DAB1: variants seen among roughly 807,000 people sequenced by gnomAD.
DAB1 encodes the protein disabled homolog 1.
DAB1 carries 15 observed loss-of-function variants against 64.6 expected under a neutral mutation model. The observed-to-expected ratio is 0.23, with a 90% confidence interval of 0.16 to 0.36. DAB1 has a LOEUF of 0.36. Ranked by LOEUF, DAB1 falls within the 10% of genes least tolerant of loss-of-function variation. The pLI is 1.00. For missense variants in DAB1, 596 were observed against 706.7 expected (o/e 0.84, Z 1.78); for synonymous variants, 235 against 251.9 (o/e 0.93, Z 0.64).
intron 7 of DAB1, among the ~76,000 whole-genome samples, chr1:57,493,364 C>T (rs754546187): frequency 1.1e-4 from 16 of 152,042 alleles, no homozygotes; most frequent in Non-Finnish European, 7.3e-5. Context: ...TATTGGGCAA[C>T]TTGTATGAGT....
At chr1:58,175,939 T>C (rs1410652541) in intron 4 of DAB1, among the ~76,000 whole-genome samples, 1 of 152,198 alleles carries the variant, frequency 6.6e-6, no homozygotes, top group Non-Finnish European at 1.5e-5. Flanking sequence ...AAAGGAAGCA[T>C]TCACATAGAA....
At chr1:57,681,011 A>G (rs1646630591) in intron 6 of DAB1, among the ~76,000 whole-genome samples, 1 of 152,228 alleles carries the variant, frequency 6.6e-6, no homozygotes, top group Non-Finnish European at 1.5e-5. Context: ...GGCTAAGATA[A>G]GAAAGTTCCA....
intron 5 of DAB1, among the ~76,000 whole-genome samples, chr1:57,963,147 T>C (rs1419280695): frequency 6.6e-6 from 1 of 152,174 alleles, no homozygotes; most frequent in Admixed American, 6.5e-5. Context: ...GCTGGATATA[T>C]AATGGTAAGC....
At chr1:58,126,429 G>C (rs17438616) in intron 5 of DAB1, among the ~76,000 whole-genome samples, 2,171 of 150,820 alleles carry the variant, frequency 0.014, 22 homozygotes, top group Non-Finnish European at 0.023. Context: ...TCCTCATTCA[G>C]AAGGGGCCAA....
chr1:57,777,666 C>CAA (rs1649875851), intron 6 of DAB1, among the ~76,000 whole-genome samples: 2 of 151,752 alleles, frequency 1.3e-5, no homozygotes, highest in African/African-American at 4.8e-5. Flanking sequence ...TCTTAATGTT[C>CAA]AGTTTCCTTT....
chr1:58,151,245 C>T (rs1019785668), intron 4 of DAB1, among the ~76,000 whole-genome samples: 4 of 152,192 alleles, frequency 2.6e-5, no homozygotes, highest in African/African-American at 9.7e-5. Flanking sequence ...ATTTCTAGTT[C>T]TAGATCCTTG....
intron 6 of DAB1, among the ~76,000 whole-genome samples, chr1:57,680,334 T>C (rs930703377): frequency 6.6e-6 from 1 of 152,256 alleles, no homozygotes; most frequent in Admixed American, 6.5e-5. Context: ...TTTTGTGCCT[T>C]AAAACAACAC....
chr1:57,446,085 CACTT>C (rs2101143049), intron 7 of DAB1, among the ~76,000 whole-genome samples: 1 of 152,300 alleles, frequency 6.6e-6, no homozygotes, highest in Admixed American at 6.5e-5. Context: ...GTTTGTCACT[CACTT>C]ATCTACCTAT....
intron 4 of DAB1, among the ~76,000 whole-genome samples, chr1:58,334,236 T>G (rs1269154080): frequency 6.6e-6 from 1 of 152,208 alleles, no homozygotes; most frequent in Non-Finnish European, 1.5e-5. Context: ...ACCTCCACCA[T>G]GACAACAGCA....
intron 5 of DAB1, chr1:58,048,948 T>C: frequency 1.2e-6 from 1 of 857,752 alleles, no homozygotes; most frequent in Admixed American, 1.7e-5. Context: ...TGTTCTTCAG[T>C]GTCTTCTTTA....
At chr1:57,141,317 C>A (rs1004423690) in intron 3 of DAB1, among the ~76,000 whole-genome samples, 2 of 152,110 alleles carry the variant, frequency 1.3e-5, no homozygotes, top group African/African-American at 4.8e-5. Context: ...TGTGTTCCAC[C>A]AATGCAAGGC....
chr1:58,236,437 C>T (rs971626062), intron 4 of DAB1, among the ~76,000 whole-genome samples: 2 of 151,976 alleles, frequency 1.3e-5, no homozygotes, highest in East Asian at 1.9e-4. Context: ...ACACAGCACC[C>T]GCTTACTTAA....
intron 5 of DAB1, among the ~76,000 whole-genome samples, chr1:58,111,879 A>G (rs1651983411): frequency 6.6e-6 from 1 of 152,132 alleles, no homozygotes; most frequent in African/African-American, 2.4e-5. Flanking sequence ...AGTTTTTAGG[A>G]AGTTGTACCA....
chr1:58,384,873 G>A (rs1374232646), intron 3 of DAB1, among the ~76,000 whole-genome samples: 1 of 152,220 alleles, frequency 6.6e-6, no homozygotes, highest in Non-Finnish European at 1.5e-5. Flanking sequence ...TCTTCTGGCT[G>A]CTTTATTCTC....
chr1:57,315,800 C>T (rs1178482505), intron 1 of DAB1, among the ~76,000 whole-genome samples: 1 of 152,174 alleles, frequency 6.6e-6, no homozygotes, highest in African/African-American at 2.4e-5. Context: ...CCGCGCCCGG[C>T]CACCTATTAT....
intron 5 of DAB1, among the ~76,000 whole-genome samples, chr1:57,992,815 C>T (rs1479224350): frequency 6.6e-6 from 1 of 151,992 alleles, no homozygotes; most frequent in Non-Finnish European, 1.5e-5. Context: ...TTATCTACAG[C>T]TGGTGCCATG....
intron 4 of DAB1, among the ~76,000 whole-genome samples, chr1:57,111,121 A>G (rs1655620117): frequency 6.6e-6 from 1 of 152,036 alleles, no homozygotes; most frequent in South Asian, 2.1e-4. Flanking sequence ...CGTTTGAGCC[A>G]GACCTGAAGG....
chr1:57,568,067 C>A (rs988556861), intron 7 of DAB1, among the ~76,000 whole-genome samples: 2 of 152,074 alleles, frequency 1.3e-5, no homozygotes, highest in African/African-American at 2.4e-5. Context: ...GGTACTGGTA[C>A]CAAAACAGAG....
chr1:58,378,809 C>G (rs1644355884), intron 3 of DAB1, among the ~76,000 whole-genome samples: 1 of 110,522 alleles, frequency 9.0e-6, no homozygotes, highest in East Asian at 2.4e-4. Flanking sequence ...TGATCTCAGA[C>G]TGCTGTGCTA....
Sources: allele counts gnomAD v4.1 joint callset (sites outside exome capture counted in the v4.1 genomes callset), GRCh38; gene constraint gnomAD v4.1.1; transcripts MANE v1.5; gene names NCBI Gene and HGNC (gene_info 2026-07-23, HGNC 2026-07-21).